The following KRT71 variants were observed in gnomAD, a reference collection of about 807,000 sequenced individuals.
The protein encoded by KRT71 is keratin 71, also known as keratin, type II cytoskeletal 71.
Under a neutral mutation model 46.2 loss-of-function variants are expected in KRT71, and 42 were observed. The ratio of observed to expected loss-of-function variants is 0.91; its 90% CI spans 0.71 to 1.18. KRT71 has a LOEUF of 1.18. Among genes scored for constraint, KRT71 ranks in the 50% most tolerant of loss-of-function variants. KRT71 has a pLI of 0.00. For missense variants in KRT71, 708 were observed against 677.9 expected (o/e 1.04, Z -0.49); for synonymous variants, 292 against 277.8 (o/e 1.05, Z -0.51).
rs1939094080 is a variant in KRT71, at chr12:52,548,296, G to T, written c.834C>A (p.Ser278=). 1 of 1,613,004 alleles carries T rather than the reference G, an allele frequency of 6.2e-7. No individual in the cohort carries two copies. The highest frequency in any genetic ancestry group is 1.7e-5 in the Admixed American group (1 of 59,948). The change falls in exon 5 of 9, where the codon TCC becomes TCA. Residue 278 remains serine, a synonymous_variant. Coordinates refer to ENST00000267119, the MANE Select transcript of KRT71 (RefSeq NM_033448.3). ...LFEAEITQIQ[S]HISDMSVILS... is the part of the protein sequence containing the mutation. ...GGATGACAGACATGTCACTGATGTG[G>T]GACTGGATCTGAGTGATCTCCTGCA...
intron 1 of KRT71, 147 bp from the exon 2 acceptor site, chr12:52,550,390 G>T: frequency 9.7e-7 from 1 of 1,033,254 alleles, no homozygotes; most frequent in South Asian, 1.7e-5. Flanking sequence ...GCTATGGAGA[G>T]AAAACTGAGA....
At position 52,552,718 on chromosome 12, in the gene KRT71, G is replaced by T; in HGVS notation, c.360C>A (p.Asp120Glu). The change falls in exon 1 of 9, where the codon GAC (aspartate) becomes GAA (glutamate). Residue 120 changes from aspartate (D) to glutamate (E), a missense_variant. Asp to Glu is a conservative substitution (Grantham distance 45). Coordinates refer to ENST00000267119, the MANE Select transcript of KRT71 (RefSeq NM_033448.3). ...SLLAPLNVEL[D>E]PEIQKVRAQE... Reference sequence around the variant, plus strand: ...GGGCACGCACTTTCTGGATCTCGGGGTCCAGCTCCACGTTGAGGGGGGCCA... The same window carrying T: ...GGGCACGCACTTTCTGGATCTCGGGTTCCAGCTCCACGTTGAGGGGGGCCA... The T allele has an allele frequency of 6.2e-7, 1 of 1,614,078 alleles. No homozygotes were observed. The highest frequency in any genetic ancestry group is 8.5e-7 in the Non-Finnish European group (1 of 1,179,932).
At chr12:52,544,994 T>C (rs1209705574) in intron 8 of KRT71, among the ~76,000 whole-genome samples, 2 of 152,168 alleles carry the variant, frequency 1.3e-5, no homozygotes, top group African/African-American at 2.4e-5. Context: ...CAGGTACCAA[T>C]ACCCCTACCT....
At chr12:52,545,745 G>A (rs906289439) in intron 7 of KRT71, 146 bp from the exon 8 acceptor site, 2 of 575,774 alleles carry the variant, frequency 3.5e-6, no homozygotes, top group South Asian at 2.5e-5. Flanking sequence ...TGCAAGCAGA[G>A]CCTGAGAAGT....
intron 6 of KRT71, 49 bp downstream of exon 6, chr12:52,547,808 C>G: frequency 6.2e-7 from 1 of 1,603,256 alleles, no homozygotes; most frequent in Non-Finnish European, 8.5e-7. Flanking sequence ...CTCCCCTCTA[C>G]TCATGCTCCC....
In KRT71 at chr12:52,544,650, G is replaced by A; in HGVS notation, c.1454C>T (p.Ser485Phe). ...CCCGCCTCTCACGCTGCACACTCCAGAGATGCAGTTGCTGCTGTTGGCCAC... is the reference window on the plus strand; with the variant it reads ...CCCGCCTCTCACGCTGCACACTCCAAAGATGCAGTTGCTGCTGTTGGCCAC... Reference protein sequence around the residue: ...GYVANSSNCISGVCSVRGGEG... With the variant: ...GYVANSSNCIFGVCSVRGGEG... The change falls in exon 9 of 9, where the codon TCT becomes TTT. Residue 485 changes from serine to phenylalanine, a missense_variant. By Grantham distance (155) the Ser-to-Phe change is radical (BLOSUM62 -2). Transcript: ENST00000267119. The A allele has an allele frequency of 6.2e-7, 1 of 1,614,052 alleles. No homozygotes were observed. The highest frequency in any genetic ancestry group is 8.5e-7 in the Non-Finnish European group (1 of 1,180,014).
intron 1 of KRT71, among the ~76,000 whole-genome samples, 168 bp downstream of exon 1, chr12:52,552,468 AC>A (rs1442022526): frequency 6.6e-6 from 1 of 152,246 alleles, no homozygotes; most frequent in Non-Finnish European, 1.5e-5. Flanking sequence ...TGGAAAGACA[AC>A]ACAGAGAACC....
At position 52,545,589 on chromosome 12, in the gene KRT71, C is replaced by T; in HGVS notation, c.1336G>A (p.Glu446Lys). The change falls in exon 8 of 9, where the codon GAA becomes AAA. Residue 446 changes from glutamate to lysine, a missense_variant. By Grantham distance (56) the Glu-to-Lys change is moderately conservative. Transcript: ENST00000267119. ...LESEECRMSG[E>K]FPSPVSISII... is the part of the protein sequence containing the mutation. The stretch of plus-strand genomic sequence containing the variant: ...CAGATGCTGACAGGGGAGGGAAATT[C>T]TCCTGACATCCTATTAAGGAGAGAA... The T allele has an allele frequency of 1.3e-6, 2 of 1,548,822 alleles. No individual in the cohort carries two copies. Among genetic ancestry groups the T allele is most frequent in the Non-Finnish European group, 1.8e-6 (2 of 1,124,126 alleles).
At chr12:52,548,645 A>G in intron 4 of KRT71, 56 bp downstream of exon 4, 1 of 1,484,152 alleles carries the variant, frequency 6.7e-7, no homozygotes, top group South Asian at 1.1e-5. Context: ...AGCCCCTAGA[A>G]TAGAGTTTAA....
chr12:52,548,476 T>C (rs139224230), intron 4 of KRT71, among the ~76,000 whole-genome samples, 160 bp from the exon 5 acceptor site: 183 of 152,332 alleles, frequency 1.2e-3, no homozygotes, highest in African/African-American at 4.2e-3. Flanking sequence ...GCAAGTTCCC[T>C]GCTGGGCCCA....
Position 52,546,493 on chromosome 12 carries a change from T to C in KRT71, c.1118A>G (p.Glu373Gly). The change falls in exon 7 of 9, where the codon GAG becomes GGG. Residue 373 changes from glutamate to glycine, a missense_variant. By Grantham distance (98) the Glu-to-Gly change is moderately conservative. Transcript: ENST00000267119. Reference protein sequence around the residue: ...ENVKKQASNLETAIADAEQRG... With the variant: ...ENVKKQASNLGTAIADAEQRG... ...CTGCTCAGCATCAGCGATGGCTGTC[T>C]CCAGGTTGGAAGCCTAAGGAAGGAA... The C allele has an allele frequency of 1.2e-6, 2 of 1,613,988 alleles. No individual in the cohort carries two copies. The highest frequency in any genetic ancestry group is 1.7e-6 in the Non-Finnish European group (2 of 1,179,966).
At chr12:52,546,568 A>G (rs1939062081) in intron 6 of KRT71, 62 bp from the exon 7 acceptor site, 2 of 1,528,596 alleles carry the variant, frequency 1.3e-6, no homozygotes, top group East Asian at 2.3e-5. Context: ...TCCACATCCA[A>G]TCCCTCTGGG....
Position 52,553,016 on chromosome 12 carries a change from G to T in KRT71, c.62C>A (p.Ser21Ter). ...TGAGCTGCCCCCTGAGAGCACAGCT[G>T]AGCAGCCACTGAAGCCCCCCTTGGC... ...AAAKGGFSGCSAVLSGGSSSS... is the reference protein window; with the variant it reads ...AAAKGGFSGC The change falls in exon 1 of 9, where the codon TCA becomes TAA. Residue 21 changes from serine to a stop codon, truncating the protein, a stop_gained. Coordinates refer to ENST00000267119, the MANE Select transcript of KRT71 (RefSeq NM_033448.3). LOFTEE classifies it high-confidence loss of function. 1.2e-6 allele frequency: 2 copies of T among 1,610,110 alleles called. No individual in the cohort carries two copies. The highest frequency in any genetic ancestry group is 2.7e-5 in the African/African-American group (2 of 74,950).
rs1156456050 is a variant in KRT71 at position 52,552,700 on chromosome 12, C to A, written c.378G>T (p.Val126=). 6.2e-7 allele frequency: 1 copy of A among 1,613,868 alleles called. No homozygotes were observed. The highest frequency in any genetic ancestry group is 8.5e-7 in the Non-Finnish European group (1 of 1,179,890). The change falls in exon 1 of 9, where the codon GTG becomes GTT. Residue 126 remains valine (V), a synonymous_variant. Transcript: ENST00000267119. ...NVELDPEIQK[V]RAQEREQIKA... ...TGATCTGCTCTCGCTCCTGGGCACGCACTTTCTGGATCTCGGGGTCCAGCT... is the reference window on the plus strand; with the variant it reads ...TGATCTGCTCTCGCTCCTGGGCACGAACTTTCTGGATCTCGGGGTCCAGCT...
Position 52,552,946 on chromosome 12 carries a change from G to T in KRT71, c.132C>A (p.Gly44=), listed in dbSNP as rs766090072. The change falls in exon 1 of 9, where the codon GGC becomes GGA. Residue 44 remains glycine (G), a synonymous_variant. Transcript: ENST00000267119. ...AGSKGLSGGF[G]SRSLYSLGGV... is the part of the protein sequence containing the mutation. The stretch of plus-strand genomic sequence containing the variant: ...CCCCCAGGCTGTAGAGGCTCCGGCT[G>T]CCAAAGCCCCCACTGAGCCCTTTGC... 2 of 1,614,150 alleles carry T rather than the reference G, an allele frequency of 1.2e-6. No homozygotes were observed. Among genetic ancestry groups the T allele is most frequent in the East Asian group, 4.5e-5 (2 of 44,878 alleles).
At chr12:52,546,173 T>A in intron 7 of KRT71, 113 bp downstream of exon 7, 4 of 1,115,656 alleles carry the variant, frequency 3.6e-6, no homozygotes, top group Non-Finnish European at 5.2e-6. Context: ...TCTATCCTCA[T>A]CACCCCATCA....
At position 52,544,430 on chromosome 12, in the gene KRT71, G is replaced by T; in HGVS notation, c.*102C>A. ...GGCCAGTGCCAGGTGTATGGGAGCA[G>T]GACCAGCAGGGTGGAGATGGAGCTG... On this transcript the variant is annotated 3_prime_UTR_variant, in exon 9 of 9. Transcript: ENST00000267119. The T allele has an allele frequency of 1.8e-6, 2 of 1,087,582 alleles. No individual in the cohort carries two copies. The highest frequency in any genetic ancestry group is 1.4e-5 in the South Asian group (1 of 73,452). The allele number at this position is 1,087,582 out of a possible 1,614,324, so 67.4% of individuals were successfully genotyped here.
intron 1 of KRT71, among the ~76,000 whole-genome samples, chr12:52,550,897 G>T (rs570970727): frequency 1.3e-5 from 2 of 152,336 alleles, no homozygotes; most frequent in Admixed American, 1.3e-4. Flanking sequence ...TTTGGGGATG[G>T]GGAGCACAGT....
chr12:52,545,499 G>A (rs563931176), intron 8 of KRT71, 66 bp downstream of exon 8: 69 of 921,864 alleles, frequency 7.5e-5, no homozygotes, highest in Admixed American at 5.1e-4. Context: ...CACACAGAGG[G>A]TGTCACTAAG....
Sources: allele counts gnomAD v4.1 joint callset (sites outside exome capture counted in the v4.1 genomes callset), GRCh38; gene constraint gnomAD v4.1.1; transcripts MANE v1.5; gene names NCBI Gene and HGNC (gene_info 2026-07-23, HGNC 2026-07-21).